The following GRIK4 variants were observed in gnomAD, a reference collection of about 807,000 sequenced individuals.
The protein encoded by GRIK4 is glutamate receptor ionotropic, kainate 4.
Under a neutral mutation model 104.9 loss-of-function variants are expected in GRIK4, and 40 were observed. The ratio of observed to expected loss-of-function variants is 0.38; its 90% confidence interval spans 0.30 to 0.50. The LOEUF (loss-of-function observed/expected upper bound fraction) is 0.50. Ranked by LOEUF, GRIK4 falls within the 20% of genes least tolerant of loss-of-function variation. The pLI is 0.93. For synonymous variants in GRIK4, 485 were observed against 524.9 expected (o/e 0.92, Z 1.04); for missense variants, 1,047 against 1,308.1 (o/e 0.80, Z 3.08).
intron 1 of GRIK4, among the ~76,000 whole-genome samples, chr11:120,614,180 C>T (rs1949075296): frequency 6.6e-6 from 1 of 152,192 alleles, no homozygotes; most frequent in African/African-American, 2.4e-5. Context: ...AAACAGACCC[C>T]AAGTGAAGAC....
In GRIK4 at chr11:120,986,161, G is replaced by A. The variant is rs1444150273; in HGVS notation, c.2772G>A (p.Glu924=). The change falls in exon 21 of 21, where the codon GAG becomes GAA. Residue 924 remains glutamate, a synonymous_variant. Transcript: ENST00000527524. ...GCACGCACATCCGCGTCTGCCCCGA[G>A]TGCCGCCGCTTCCAGGGCCTGCGGG... ...RGCTHIRVCP[E]CRRFQGLRAR... 7.1e-6 allele frequency: 11 copies of A among 1,547,924 alleles called. No individual in the cohort carries two copies. The East Asian group carries it at 2.0e-4, about 28-fold the overall frequency.
intron 9 of GRIK4, among the ~76,000 whole-genome samples, chr11:120,863,990 T>C (rs1307143276): frequency 6.6e-6 from 1 of 152,026 alleles, no homozygotes; most frequent in Non-Finnish European, 1.5e-5. Flanking sequence ...CCCAACAAGA[T>C]ATTTTAGACC....
chr11:120,588,937 A>C (rs530969341), intron 1 of GRIK4, among the ~76,000 whole-genome samples: 3 of 152,316 alleles, frequency 2.0e-5, no homozygotes, highest in East Asian at 3.9e-4. Flanking sequence ...GGGTCTGGAA[A>C]GTCTAGAAGA....
In GRIK4 at chr11:120,797,120, G is replaced by A. The variant is rs550564376; in HGVS notation, c.83-5573G>A. Among the ~76,000 whole-genome samples the A allele has an allele frequency of 2.0e-5, 3 of 152,260 alleles. No individual in the cohort carries two copies. In the South Asian group the frequency reaches 6.2e-4, roughly 32 times the overall value. On this transcript the variant is annotated intron_variant, in intron 3 of 20. Coordinates refer to ENST00000527524, the MANE Select transcript of GRIK4 (RefSeq NM_014619.5). ...GCCGGAGGCATCTTGAATCCACCTG[G>A]GTTGGAAGAGTCAGTGTGCACTGAG...
chr11:120,779,347 G>A (rs1028454467), intron 3 of GRIK4, among the ~76,000 whole-genome samples: 3 of 152,194 alleles, frequency 2.0e-5, no homozygotes, highest in Non-Finnish European at 4.4e-5. Context: ...CAGCTGGTGG[G>A]TGGGTCCCTT....
chr11:120,860,278 C>T lies in GRIK4; in HGVS notation c.745-1681C>T, dbSNP rs115639508. Among the ~76,000 whole-genome samples the T allele has an allele frequency of 6.3e-3, 951 of 151,892 alleles. 11 individuals carry two copies. The highest frequency in any genetic ancestry group is 0.022 in the African/African-American group (900 of 41,398). ...ACATTTGAAGGCATCTTTCCGGGAGCGGGGATCAGTGAGCTGAATAATCTA... is the reference window on the plus strand; with the variant it reads ...ACATTTGAAGGCATCTTTCCGGGAGTGGGGATCAGTGAGCTGAATAATCTA... On this transcript the variant is annotated intron_variant, in intron 8 of 20. Transcript: ENST00000527524.
chr11:120,621,218 G>C (rs1000884639), intron 1 of GRIK4, among the ~76,000 whole-genome samples: 3 of 152,130 alleles, frequency 2.0e-5, no homozygotes, highest in African/African-American at 4.8e-5. Context: ...GAGTCTGCAG[G>C]GTCGGTGGAT....
intron 1 of GRIK4, among the ~76,000 whole-genome samples, chr11:120,569,403 A>T (rs1565553613): frequency 6.6e-6 from 1 of 152,198 alleles, no homozygotes; most frequent in African/African-American, 2.4e-5. Flanking sequence ...TCCATCCATT[A>T]TCTGACTTGA....
chr11:120,891,203 A>G (rs1955282591), intron 11 of GRIK4, among the ~76,000 whole-genome samples: 1 of 152,226 alleles, frequency 6.6e-6, no homozygotes, highest in East Asian at 1.9e-4. Context: ...GTGGGCCTCC[A>G]GGACTGGTCT....
At chr11:120,528,272 C>T (rs183555935) in intron 1 of GRIK4, among the ~76,000 whole-genome samples, 146 of 152,284 alleles carry the variant, frequency 9.6e-4, no homozygotes, top group Admixed American at 5.4e-3. Context: ...CCACCACGCC[C>T]GGCTAATTTT....
intron 4 of GRIK4, among the ~76,000 whole-genome samples, chr11:120,807,841 C>T (rs1398981688): frequency 6.6e-6 from 1 of 152,086 alleles, no homozygotes; most frequent in Non-Finnish European, 1.5e-5. Context: ...GATGGGGAAA[C>T]TGAGGTTCAA....
rs748579259 is a variant in GRIK4 at position 120,832,017 on chromosome 11, C to T, written c.677C>T (p.Thr226Ile). The T allele has an allele frequency of 1.2e-6, 2 of 1,611,458 alleles. No individual in the cohort carries two copies. The highest frequency in any genetic ancestry group is 3.3e-5 in the Admixed American group (2 of 59,980). Reference sequence around the variant, plus strand: ...CACGCCAACGCCTCCATGTCCCACACCATCCTCCTGAAGGTGGGAGCCTCC... The same window carrying T: ...CACGCCAACGCCTCCATGTCCCACATCATCCTCCTGAAGGTGGGAGCCTCC... ...IIHANASMSH[T>I]ILLKAAELGM... is the part of the protein sequence containing the mutation. The change falls in exon 7 of 21, where the codon ACC becomes ATC. Residue 226 changes from threonine (T) to isoleucine (I), a missense_variant. Thr to Ile is a moderately conservative substitution (Grantham distance 89). Coordinates refer to ENST00000527524, the MANE Select transcript of GRIK4 (RefSeq NM_014619.5).
chr11:120,660,328 G>C lies in GRIK4; in HGVS notation c.10G>C (p.Val4Leu). The C allele has an allele frequency of 1.2e-6, 2 of 1,613,026 alleles. No individual in the cohort carries two copies. The highest frequency in any genetic ancestry group is 8.5e-7 in the Non-Finnish European group (1 of 1,179,566). Residue 4 changes from valine (V) to leucine (L), a missense_variant, in exon 3 of 21, where the codon GTC becomes CTC. Coordinates refer to ENST00000527524, the MANE Select transcript of GRIK4 (RefSeq NM_014619.5). ...TGAGGATTCATAGAAGATGCCCCGC[G>C]TCTCGGCGCCTTTGGTGCTGCTTCC... Reference protein sequence around the residue: MPRVSAPLVLLPAW... With the variant: MPRLSAPLVLLPAW...
chr11:120,818,539 T>G lies in GRIK4; in HGVS notation c.346-1216T>G, dbSNP rs118047352. ...TGCCCTCTCCCTATGGTTTAAAGGC[T>G]AATCCTAGTTGAATTCAGAAGTTTT... On this transcript the variant is annotated intron_variant, in intron 5 of 20. Coordinates refer to ENST00000527524, the MANE Select transcript of GRIK4 (RefSeq NM_014619.5). Among the ~76,000 whole-genome samples, 31 of 152,352 alleles carry G rather than the reference T, an allele frequency of 2.0e-4. No individual in the cohort carries two copies. In the East Asian group the frequency reaches 5.8e-3, roughly 28 times the overall value.
chr11:120,513,548 T>C lies in GRIK4; in HGVS notation c.-159+1661T>C, dbSNP rs930438448. Among the ~76,000 whole-genome samples the C allele has an allele frequency of 1.3e-5, 2 of 152,186 alleles. No homozygotes were observed. The highest frequency in any genetic ancestry group is 2.1e-4 in the South Asian group (1 of 4,824). On this transcript the variant is annotated intron_variant, in intron 1 of 20. Coordinates refer to ENST00000527524, the MANE Select transcript of GRIK4 (RefSeq NM_014619.5). The surrounding 1 kb of genome is among the most constrained non-coding windows in gnomAD (Gnocchi z 4.5). ...TTCATCATTAATCAGGTTTATTATT[T>C]TTCTCACTGGCCAGATGTGTTCCTC...
At chr11:120,920,116 C>T (rs1943195297) in intron 13 of GRIK4, among the ~76,000 whole-genome samples, 1 of 152,134 alleles carries the variant, frequency 6.6e-6, no homozygotes, top group African/African-American at 2.4e-5. Context: ...CAAATCGCTG[C>T]TCTGCCAGCT....
intron 11 of GRIK4, among the ~76,000 whole-genome samples, chr11:120,886,841 C>T (rs1955132342): frequency 6.6e-6 from 1 of 152,180 alleles, no homozygotes. Context: ...CTGTTGATGT[C>T]CTGCCTTTCT....
intron 1 of GRIK4, among the ~76,000 whole-genome samples, chr11:120,560,395 C>T (rs565686764): frequency 7.9e-5 from 12 of 152,194 alleles, no homozygotes; most frequent in East Asian, 1.9e-4. Flanking sequence ...GACCTAGCCC[C>T]GCATTTGTTA....
rs532070242 is a variant in GRIK4, at chr11:120,656,093, C to T, written c.-51+2301C>T. On this transcript the variant is annotated intron_variant, in intron 2 of 20. Coordinates refer to ENST00000527524, the MANE Select transcript of GRIK4 (RefSeq NM_014619.5). The stretch of plus-strand genomic sequence containing the variant: ...CTAACTTCAGGATAAGTTCTTTTTT[C>T]GCCCCTGAATTATTAAAATATTTTC... 3.2e-4 allele frequency among the ~76,000 whole-genome samples: 49 copies of T among 152,112 alleles called. 1 individual carries two copies. The highest frequency in any genetic ancestry group is 5.6e-4 in the African/African-American group (23 of 41,426).
Sources: allele counts gnomAD v4.1 joint callset (sites outside exome capture counted in the v4.1 genomes callset), GRCh38; gene constraint gnomAD v4.1.1; non-coding constraint Gnocchi (gnomAD v3.1); transcripts MANE v1.5; gene names NCBI Gene and HGNC (gene_info 2026-07-23, HGNC 2026-07-21).